The following BNC2 variants were observed in gnomAD, a reference collection of about 807,000 sequenced individuals.
The protein encoded by BNC2 is zinc finger protein basonuclin-2.
Under a neutral mutation model 76.3 loss-of-function variants are expected in BNC2, and 20 were observed. That is an observed-to-expected ratio of 0.26 (90% CI 0.18 to 0.38). The LOEUF is 0.38. Among genes scored for constraint, BNC2 ranks in the 10% least tolerant of loss-of-function variants. BNC2 has a pLI of 1.00. For missense variants in BNC2, 1,382 were observed against 1,399.8 expected, an observed-to-expected ratio of 0.99 and a Z score of 0.20; for synonymous variants, 582 against 514.8, an observed-to-expected ratio of 1.13 and a Z score of -1.77.
At chr9:16,769,885 C>T (rs1825790034) in intron 1 of BNC2, among the ~76,000 whole-genome samples, 1 of 152,262 alleles carries the variant, frequency 6.6e-6, no homozygotes, top group East Asian at 1.9e-4. Flanking sequence ...CAACCTGTGG[C>T]ATTTTCAGGC....
At chr9:16,420,356 T>A (rs2119071866) in intron 6 of BNC2, among the ~76,000 whole-genome samples, 1 of 152,262 alleles carries the variant, frequency 6.6e-6, no homozygotes, top group Admixed American at 6.5e-5. Context: ...TAAAATACAT[T>A]TACTTTTTAG....
intron 1 of BNC2, among the ~76,000 whole-genome samples, chr9:16,827,991 A>G (rs1358812202): frequency 6.6e-6 from 1 of 152,228 alleles, no homozygotes; most frequent in Non-Finnish European, 1.5e-5. Flanking sequence ...TATATCCATT[A>G]TAAACTGAAA....
chr9:16,788,316 G>A lies in BNC2; in HGVS notation c.4-49831C>T, dbSNP rs1826356543. Among the ~76,000 whole-genome samples the A allele has an allele frequency of 2.6e-5, 4 of 151,746 alleles. No individual in the cohort carries two copies. The South Asian group carries it at 8.3e-4, about 32-fold the overall frequency. On this transcript the variant is annotated intron_variant, in intron 1 of 6. Transcript: ENST00000380672. Reference sequence around the variant, plus strand: ...CGCCTGTAATCCCAGCACTCTGGGAGGCCAAGGTGGGCAGATCATGAAGTC... The same window carrying A: ...CGCCTGTAATCCCAGCACTCTGGGAAGCCAAGGTGGGCAGATCATGAAGTC...
chr9:16,461,818 G>A (rs1245941941), intron 5 of BNC2, among the ~76,000 whole-genome samples: 1 of 152,182 alleles, frequency 6.6e-6, no homozygotes, highest in East Asian at 1.9e-4. Context: ...TCAAGTATAA[G>A]AGTTATTTTG....
intron 4 of BNC2, among the ~76,000 whole-genome samples, chr9:16,568,145 A>T (rs544433910): frequency 1.6e-4 from 24 of 152,290 alleles, no homozygotes; most frequent in African/African-American, 5.5e-4. Context: ...CCAAATTACA[A>T]GCATCAAGTG....
rs151111036 is a variant in BNC2, at chr9:16,774,527, T to G, written c.4-36042A>C. On this transcript the variant is annotated intron_variant, in intron 1 of 6. Coordinates refer to ENST00000380672, the MANE Select transcript of BNC2 (RefSeq NM_017637.6). ...CTTCGAAAGACATTTGGAATATCTA[T>G]GATTTCAATGTTTATTTCCTCATCC... 6.2e-4 allele frequency among the ~76,000 whole-genome samples: 95 copies of G among 152,350 alleles called. 2 individuals carry two copies. In the East Asian group the frequency reaches 0.017, roughly 27 times the overall value.
rs537177583 is a variant in BNC2, at chr9:16,642,194, T to C, written c.331-59109A>G. On this transcript the variant is annotated intron_variant, in intron 3 of 6. Transcript: ENST00000380672. ...ACACCTAATATAATACAAGTTTTGT[T>C]GTTTACTTTTATACTTTAAAGTGAG... Among the ~76,000 whole-genome samples, 6 of 152,346 alleles carry C rather than the reference T, an allele frequency of 3.9e-5. No individual in the cohort carries two copies. In the South Asian group the frequency reaches 1.2e-3, roughly 32 times the overall value.
chr9:16,458,752 C>A (rs1821509857), intron 5 of BNC2, among the ~76,000 whole-genome samples: 1 of 152,178 alleles, frequency 6.6e-6, no homozygotes, highest in Non-Finnish European at 1.5e-5. Flanking sequence ...TGAAAAGTAA[C>A]AACTACTGTT....
In BNC2 at chr9:16,411,221, T is replaced by G. The variant is rs1236674151; in HGVS notation, c.*7768A>C. Reference sequence around the variant, plus strand: ...GAAGTGGGCAGAGCCAGTTAATAATTGATGGATTTGCCATCTTAGCTGTGC... The same window carrying G: ...GAAGTGGGCAGAGCCAGTTAATAATGGATGGATTTGCCATCTTAGCTGTGC... On this transcript the variant is annotated 3_prime_UTR_variant, in exon 7 of 7. Coordinates refer to ENST00000380672, the MANE Select transcript of BNC2 (RefSeq NM_017637.6). The G allele has an allele frequency of 6.6e-6, 1 of 152,664 alleles. No individual in the cohort carries two copies. Among genetic ancestry groups the G allele is most frequent in the Non-Finnish European group, 1.5e-5 (1 of 68,044 alleles). The allele number at this position is 152,664 out of a possible 1,614,324, so 9.5% of individuals were successfully genotyped here.
chr9:16,689,914 TAAAC>T (rs770925524), intron 3 of BNC2, among the ~76,000 whole-genome samples: 1 of 151,964 alleles, frequency 6.6e-6, no homozygotes, highest in South Asian at 2.1e-4. Context: ...GATAAAGAAA[TAAAC>T]AAATTATCCA....
At chr9:16,595,651 C>A (rs10116857) in intron 3 of BNC2, among the ~76,000 whole-genome samples, 22,136 of 151,984 alleles carry the variant, frequency 0.15, 3,086 homozygotes, top group African/African-American at 0.36. Flanking sequence ...ATTTCTATGA[C>A]ATCTATATGA....
chr9:16,467,254 C>T (rs1821712824), intron 5 of BNC2, among the ~76,000 whole-genome samples: 3 of 71,424 alleles, frequency 4.2e-5, no homozygotes. Flanking sequence ...CTAGTTCAAC[C>T]ATTGTGGAAG....
intron 5 of BNC2, among the ~76,000 whole-genome samples, chr9:16,538,370 G>A (rs567005046): frequency 6.6e-6 from 1 of 152,194 alleles, no homozygotes; most frequent in South Asian, 2.1e-4. Flanking sequence ...ACTTTAACAG[G>A]CACCACAACT....
At chr9:16,831,511 C>T (rs968612509) in intron 1 of BNC2, among the ~76,000 whole-genome samples, 1 of 152,196 alleles carries the variant, frequency 6.6e-6, no homozygotes, top group African/African-American at 2.4e-5. Flanking sequence ...CGTTGACTCT[C>T]ATGTCAAATT....
intron 5 of BNC2, among the ~76,000 whole-genome samples, chr9:16,520,954 A>T (rs1817597887): frequency 6.6e-6 from 1 of 152,216 alleles, no homozygotes; most frequent in Non-Finnish European, 1.5e-5. Context: ...TTCTCCAGAC[A>T]TACTAATATT....
At chr9:16,745,046 A>G (rs1824959919) in intron 1 of BNC2, among the ~76,000 whole-genome samples, 1 of 152,206 alleles carries the variant, frequency 6.6e-6, no homozygotes, top group Non-Finnish European at 1.5e-5. Flanking sequence ...GAATAACTGC[A>G]GAACCTTTTA....
chr9:16,486,142 T>C (rs891261357), intron 5 of BNC2, among the ~76,000 whole-genome samples: 2 of 152,220 alleles, frequency 1.3e-5, no homozygotes, highest in African/African-American at 4.8e-5. Flanking sequence ...GTTTGAGGAA[T>C]GTTGTTTTAA....
chr9:16,589,148 T>A (rs534300437), intron 3 of BNC2, among the ~76,000 whole-genome samples: 1 of 152,128 alleles, frequency 6.6e-6, no homozygotes, highest in Admixed American at 6.5e-5. Context: ...ATGGGTTCAT[T>A]AACCTTCACC....
At chr9:16,578,693 C>T (rs1819551098) in intron 4 of BNC2, among the ~76,000 whole-genome samples, 1 of 151,940 alleles carries the variant, frequency 6.6e-6, no homozygotes, top group Non-Finnish European at 1.5e-5. Flanking sequence ...CATTACTGCT[C>T]TTATCCTGAT....
Sources: allele counts gnomAD v4.1 joint callset (sites outside exome capture counted in the v4.1 genomes callset), GRCh38; gene constraint gnomAD v4.1.1; transcripts MANE v1.5; gene names NCBI Gene and HGNC (gene_info 2026-07-23, HGNC 2026-07-21).